ZNF407: variants seen among roughly 807,000 people sequenced by gnomAD.
The protein encoded by ZNF407 is zinc finger protein 407.
In ZNF407, 17 loss-of-function variants were observed where a neutral mutation model predicts 131.2. The ratio of observed to expected loss-of-function variants is 0.13; its 90% CI spans 0.09 to 0.19. ZNF407 has a LOEUF of 0.19. ZNF407 is among the 10% of genes least tolerant of loss of function. ZNF407 has a pLI of 1.00. For missense variants in ZNF407, 2,681 were observed against 2,830.6 expected (o/e 0.95, Z 1.20); for synonymous variants, 1,156 against 1,062.0 (o/e 1.09, Z -1.72).
intron 8 of ZNF407, among the ~76,000 whole-genome samples, chr18:74,993,266 C>G (rs1389248896): frequency 1.3e-5 from 2 of 152,278 alleles, no homozygotes; most frequent in East Asian, 3.9e-4. Context: ...TAGTGCCCAT[C>G]AACAGCAGAT....
chr18:75,054,684 A>G (rs1213277470), intron 8 of ZNF407, among the ~76,000 whole-genome samples: 1 of 152,274 alleles, frequency 6.6e-6, no homozygotes, highest in Non-Finnish European at 1.5e-5. Context: ...ATAGACTATC[A>G]GAGGACATTT....
intron 1 of ZNF407, among the ~76,000 whole-genome samples, chr18:74,605,464 T>C (rs1018321875): frequency 6.6e-6 from 1 of 152,208 alleles, no homozygotes; most frequent in African/African-American, 2.4e-5. Context: ...CACTCTGTTA[T>C]AGCTGTTATC....
intron 3 of ZNF407, among the ~76,000 whole-genome samples, chr18:74,781,056 A>G (rs1969590283): frequency 6.6e-6 from 1 of 152,084 alleles, no homozygotes; most frequent in Admixed American, 6.5e-5. Flanking sequence ...ATAAAATGAC[A>G]TTTTCTCAAA....
intron 3 of ZNF407, among the ~76,000 whole-genome samples, chr18:74,759,595 G>C (rs1969045671): frequency 6.6e-6 from 1 of 151,704 alleles, no homozygotes; most frequent in African/African-American, 2.4e-5. Flanking sequence ...GAAAGACCTT[G>C]CTGTATTTTC....
At chr18:74,875,979 C>T (rs1046577606) in intron 4 of ZNF407, among the ~76,000 whole-genome samples, 6 of 151,814 alleles carry the variant, frequency 4.0e-5, no homozygotes, top group Non-Finnish European at 7.4e-5. Context: ...TGTGATATTC[C>T]GAGTGATGAA....
At position 75,064,429 on chromosome 18, in the gene ZNF407, T is replaced by G; in HGVS notation, c.6708T>G (p.Ile2236Met). Residue 2236 changes from isoleucine to methionine, a missense_variant, in exon 9 of 9, where the codon ATT becomes ATG. Physicochemically the swap from Ile to Met is conservative, Grantham distance 10 (BLOSUM62 1). Around this residue, in one of 6 missense-constraint regions of ZNF407, gnomAD observed 620 missense variants for 583.1 expected, o/e 1.06. Transcript: ENST00000299687. Reference protein sequence around the residue: ...TQEGSSAAAAIQSQRESSELQ... With the variant: ...TQEGSSAAAAMQSQRESSELQ... ...AGGGCTCCTCGGCCGCGGCGGCAAT[T>G]CAGAGCCAAAGAGAAAGCAGCGAAC... is the stretch of plus-strand genomic sequence containing the variant. 1 of 1,517,810 alleles carries G rather than the reference T, an allele frequency of 6.6e-7. No homozygotes were observed. The highest frequency in any genetic ancestry group is 8.8e-7 in the Non-Finnish European group (1 of 1,132,122). The allele number at this position is 1,517,810 out of a possible 1,614,324, so 94.0% of individuals were successfully genotyped here. A position where few individuals can be genotyped will look rare whatever the true frequency, so the allele number is the denominator to read the frequency against.
At chr18:74,847,551 CT>C (rs1034704738) in intron 4 of ZNF407, among the ~76,000 whole-genome samples, 9 of 152,056 alleles carry the variant, frequency 5.9e-5, no homozygotes, top group African/African-American at 2.2e-4. Flanking sequence ...TTTTTAATTT[CT>C]TTTTTTCTCT....
intron 3 of ZNF407, among the ~76,000 whole-genome samples, chr18:74,686,554 A>G (rs545585689): frequency 6.6e-6 from 1 of 152,192 alleles, no homozygotes; most frequent in Non-Finnish European, 1.5e-5. Flanking sequence ...TGCAAGATGT[A>G]AAACCTATAT....
intron 8 of ZNF407, among the ~76,000 whole-genome samples, chr18:75,020,218 T>A (rs1973091195): frequency 6.6e-6 from 1 of 152,078 alleles, no homozygotes; most frequent in Non-Finnish European, 1.5e-5. Context: ...TTATCATAGG[T>A]ATGTGTATGT....
At chr18:74,662,600 T>C (rs1568152680) in intron 3 of ZNF407, among the ~76,000 whole-genome samples, 1 of 152,232 alleles carries the variant, frequency 6.6e-6, no homozygotes, top group Non-Finnish European at 1.5e-5. Flanking sequence ...GTGAGTTTAC[T>C]CTTTCAGAAA....
At chr18:74,734,406 G>A (rs1018395246) in intron 3 of ZNF407, among the ~76,000 whole-genome samples, 15 of 152,214 alleles carry the variant, frequency 9.9e-5, no homozygotes, top group African/African-American at 3.4e-4. Context: ...TTTCAGTTTT[G>A]TTTTTTATCA....
intron 3 of ZNF407, among the ~76,000 whole-genome samples, chr18:74,743,321 G>A (rs1313588386): frequency 2.6e-5 from 4 of 151,972 alleles, no homozygotes; most frequent in Admixed American, 2.0e-4. Context: ...ACTCGGAAGG[G>A]GATTGATGTG....
At chr18:74,609,160 G>T (rs1392114722) in intron 1 of ZNF407, among the ~76,000 whole-genome samples, 2 of 152,188 alleles carry the variant, frequency 1.3e-5, no homozygotes, top group South Asian at 4.1e-4. Flanking sequence ...CAATCAATCA[G>T]TATTGAATTG....
At chr18:74,902,336 G>A (rs1971537443) in intron 7 of ZNF407, among the ~76,000 whole-genome samples, 3 of 152,176 alleles carry the variant, frequency 2.0e-5, no homozygotes, top group South Asian at 4.1e-4. Flanking sequence ...CTTGTCACTC[G>A]TGGTGCGAAA....
At chr18:74,827,340 C>G (rs1007862631) in intron 4 of ZNF407, among the ~76,000 whole-genome samples, 16 of 152,090 alleles carry the variant, frequency 1.1e-4, no homozygotes, top group African/African-American at 3.6e-4. Flanking sequence ...ATAATGGTTG[C>G]CAAATATAGA....
intron 8 of ZNF407, among the ~76,000 whole-genome samples, chr18:75,057,629 C>T (rs184959428): frequency 6.6e-6 from 1 of 152,268 alleles, no homozygotes; most frequent in Admixed American, 6.5e-5. Context: ...CCAGTAACTG[C>T]TGAGCCTACT....
rs1257090659 is a variant in ZNF407 at position 74,781,419 on chromosome 18, A to AT, written c.4803-3dup. On this transcript the variant is annotated splice_polypyrimidine_tract_variant and intron_variant, in intron 3 of 8. Transcript: ENST00000299687. ...TTTAGTTTTATAATTACTTTTGTTT[A>AT]TTTTTTAGGGTTGCTTTTGTAATGA... The AT allele has an allele frequency of 6.5e-7, 1 of 1,531,306 alleles. No homozygotes were observed. The highest frequency in any genetic ancestry group is 1.4e-5 in the African/African-American group (1 of 72,048). 94.9% of individuals were successfully genotyped at this position (1,531,306 alleles called of 1,614,324 possible). A position where few individuals can be genotyped will look rare whatever the true frequency, so the allele number is the denominator to read the frequency against.
In ZNF407 at chr18:74,635,205, C is replaced by A. The variant is rs745644392; in HGVS notation, c.4186C>A (p.Gln1396Lys). The change falls in exon 2 of 9, where the codon CAA (glutamine) becomes AAA (lysine). Residue 1396 changes from glutamine (Q) to lysine (K), a missense_variant. Coordinates refer to ENST00000299687, the MANE Select transcript of ZNF407 (RefSeq NM_017757.3). This position sits in a 1 kb window ranked among gnomAD's most constrained non-coding sequence, Gnocchi z 4.7. ...ISELPLKDCAQGVKKKKSEGS... is the reference protein window; with the variant it reads ...ISELPLKDCAKGVKKKKSEGS... ...TGAGCTGCCCTTGAAAGACTGTGCT[C>A]AAGGTGTGAAAAAGAAGAAATCTGA... 6.2e-7 allele frequency: 1 copy of A among 1,613,918 alleles called. No individual in the cohort carries two copies. The highest frequency in any genetic ancestry group is 8.5e-7 in the Non-Finnish European group (1 of 1,179,876).
chr18:75,058,653 A>T (rs1973589641), intron 8 of ZNF407, among the ~76,000 whole-genome samples: 1 of 152,230 alleles, frequency 6.6e-6, no homozygotes, highest in African/African-American at 2.4e-5. Context: ...GCAGTGAAGG[A>T]TGCAACCTGT....
Sources: allele counts gnomAD v4.1 joint callset (sites outside exome capture counted in the v4.1 genomes callset), GRCh38; gene constraint gnomAD v4.1.1; regional missense constraint gnomAD v4.1.1; non-coding constraint Gnocchi (gnomAD v3.1); transcripts MANE v1.5; gene names NCBI Gene and HGNC (gene_info 2026-07-23, HGNC 2026-07-21).